Variants in ERBB4 observed in about 807,000 individuals in gnomAD.
ERBB4 encodes the protein receptor tyrosine-protein kinase erbB-4.
In ERBB4, 42 loss-of-function variants were observed where a neutral mutation model predicts 158.0. The ratio of observed to expected loss-of-function variants is 0.27; its 90% CI spans 0.21 to 0.34. ERBB4 has a LOEUF of 0.34. ERBB4 is among the 10% of genes least tolerant of loss of function. ERBB4 has a pLI of 1.00. For missense variants in ERBB4, 1,333 were observed against 1,624.1 expected (o/e 0.82, Z 3.08); for synonymous variants, 583 against 558.7 (o/e 1.04, Z -0.61).
At chr2:211,871,164 G>A (rs2078333601) in intron 3 of ERBB4, among the ~76,000 whole-genome samples, 1 of 152,006 alleles carries the variant, frequency 6.6e-6, no homozygotes. Context: ...CAGAAAAGAG[G>A]ATAATACACT....
In ERBB4 at chr2:211,386,901, G is replaced by A. The variant is rs774192228; in HGVS notation, c.3433C>T (p.Leu1145=). Residue 1145 remains leucine, a synonymous_variant, in exon 27 of 28, where the codon CTG becomes TTG. Coordinates refer to ENST00000342788, the MANE Select transcript of ERBB4 (RefSeq NM_005235.3). ...FAPERSPRGE[L]DEEGYMTPMR... ...GGAGTCATGTAACCTTCCTCATCCA[G>A]CTCTCCTCGTGGGCTCCGTTCTGGG... is the stretch of plus-strand genomic sequence containing the variant. 3 of 1,614,026 alleles carry A rather than the reference G, an allele frequency of 1.9e-6. No homozygotes were observed. The highest frequency in any genetic ancestry group is 1.1e-5 in the South Asian group (1 of 91,088).
At chr2:211,984,715 A>T (rs1479304311) in intron 2 of ERBB4, among the ~76,000 whole-genome samples, 1 of 152,160 alleles carries the variant, frequency 6.6e-6, no homozygotes, top group African/African-American at 2.4e-5. Context: ...ACTTTCAGCC[A>T]TGTTCAAAAG....
chr2:212,520,159 GATCA>G (rs1692075555), intron 1 of ERBB4, among the ~76,000 whole-genome samples: 1 of 151,796 alleles, frequency 6.6e-6, no homozygotes, highest in Non-Finnish European at 1.5e-5. Flanking sequence ...TTCTATTTAT[GATCA>G]ATCATTGGTT....
chr2:211,530,975 A>C (rs185146418), intron 20 of ERBB4, among the ~76,000 whole-genome samples: 48 of 152,258 alleles, frequency 3.2e-4, no homozygotes, highest in African/African-American at 1.1e-3. Context: ...CATGTAGACC[A>C]GTGGAACAAA....
At chr2:212,122,093 T>A (rs7579631) in intron 2 of ERBB4, among the ~76,000 whole-genome samples, 8 of 150,304 alleles carry the variant, frequency 5.3e-5, no homozygotes, top group Admixed American at 2.0e-4. Flanking sequence ...ACACCCCACA[T>A]ACAAACACAT....
intron 3 of ERBB4, among the ~76,000 whole-genome samples, chr2:211,861,778 A>G (rs1364579842): frequency 1.3e-5 from 2 of 152,136 alleles, no homozygotes; most frequent in Non-Finnish European, 2.9e-5. Context: ...TAAACAAACA[A>G]CTCAGTGGAT....
intron 3 of ERBB4, among the ~76,000 whole-genome samples, chr2:211,866,745 T>C (rs558560897): frequency 1.1e-4 from 17 of 152,272 alleles, no homozygotes; most frequent in African/African-American, 3.4e-4. Flanking sequence ...CCTATAAAAA[T>C]CCTCAATTGT....
intron 20 of ERBB4, among the ~76,000 whole-genome samples, chr2:211,526,432 A>G (rs2066350881): frequency 6.6e-6 from 1 of 152,156 alleles, no homozygotes; most frequent in South Asian, 2.1e-4. Flanking sequence ...GCCCTTGGAG[A>G]TCCTCCTGAT....
At chr2:211,482,683 A>G (rs771334888) in intron 20 of ERBB4, among the ~76,000 whole-genome samples, 1 of 152,184 alleles carries the variant, frequency 6.6e-6, no homozygotes, top group Non-Finnish European at 1.5e-5. Context: ...AGATAGGCGG[A>G]TCACCTGAGG....
At chr2:212,056,533 G>A (rs562428255) in intron 2 of ERBB4, among the ~76,000 whole-genome samples, 1 of 152,172 alleles carries the variant, frequency 6.6e-6, no homozygotes, top group Non-Finnish European at 1.5e-5. Flanking sequence ...AGAGAGAAAG[G>A]TCGGGTTACC....
At chr2:211,749,172 C>T (rs2075057055) in intron 5 of ERBB4, among the ~76,000 whole-genome samples, 1 of 152,124 alleles carries the variant, frequency 6.6e-6, no homozygotes, top group African/African-American at 2.4e-5. Flanking sequence ...GGGAAATAGG[C>T]ATTTATGTAC....
chr2:211,713,933 A>C (rs2073806704), intron 7 of ERBB4, among the ~76,000 whole-genome samples: 1 of 152,176 alleles, frequency 6.6e-6, no homozygotes. Context: ...AAACTACGTG[A>C]CATTTAGCTT....
At position 211,784,075 on chromosome 2, in the gene ERBB4, T is replaced by G. The variant is rs775284506; in HGVS notation, c.556+3950A>C. Among the ~76,000 whole-genome samples, 87 of 152,214 alleles carry G rather than the reference T, an allele frequency of 5.7e-4. 2 individuals carry two copies. The highest frequency in any genetic ancestry group is 1.8e-4 in the Non-Finnish European group (12 of 68,034). ...TTATTGGTCTATTCGGGGATTCAACTTCTTCCTGATTTATTCATAATTACA... is the reference window on the plus strand; with the variant it reads ...TTATTGGTCTATTCGGGGATTCAACGTCTTCCTGATTTATTCATAATTACA... On this transcript the variant is annotated intron_variant, in intron 4 of 27. Transcript: ENST00000342788.
At chr2:211,634,128 C>T (rs1368068145) in intron 16 of ERBB4, among the ~76,000 whole-genome samples, 3 of 152,166 alleles carry the variant, frequency 2.0e-5, no homozygotes, top group Non-Finnish European at 4.4e-5. Context: ...TTTTATGATC[C>T]ATTTATATTC....
At chr2:211,835,036 C>G (rs1454724676) in intron 3 of ERBB4, among the ~76,000 whole-genome samples, 1 of 152,054 alleles carries the variant, frequency 6.6e-6, no homozygotes, top group African/African-American at 2.4e-5. Context: ...ACTGAGAGAT[C>G]CTACAATCTC....
At chr2:211,736,468 C>A (rs1178888125) in intron 5 of ERBB4, among the ~76,000 whole-genome samples, 1 of 152,114 alleles carries the variant, frequency 6.6e-6, no homozygotes, top group African/African-American at 2.4e-5. Context: ...TAACAAGTTG[C>A]AACCAGCAAT....
At chr2:211,484,685 A>G (rs2065163028) in intron 20 of ERBB4, among the ~76,000 whole-genome samples, 1 of 152,214 alleles carries the variant, frequency 6.6e-6, no homozygotes, top group African/African-American at 2.4e-5. Context: ...TTATATAAGC[A>G]ATAACAGACC....
At chr2:211,739,275 A>G (rs1373481152) in intron 5 of ERBB4, among the ~76,000 whole-genome samples, 2 of 152,140 alleles carry the variant, frequency 1.3e-5, no homozygotes, top group East Asian at 3.9e-4. Flanking sequence ...TTTTTAAAAA[A>G]TGTCACCTTT....
At chr2:211,605,054 T>C (rs891200953) in intron 19 of ERBB4, among the ~76,000 whole-genome samples, 1 of 152,160 alleles carries the variant, frequency 6.6e-6, no homozygotes, top group Non-Finnish European at 1.5e-5. Context: ...TGGATGATGG[T>C]CTTTGGTGCT....
Sources: gnomAD v4.1 joint callset for allele counts (sites outside exome capture counted in the v4.1 genomes callset) on GRCh38, gnomAD v4.1.1 for gene constraint, MANE v1.5 for transcripts, NCBI Gene and HGNC (gene_info 2026-07-23, HGNC 2026-07-21) for gene names.